Variants in PLCZ1 observed in about 807,000 individuals in gnomAD.
The protein encoded by PLCZ1 is phospholipase C zeta 1, also known as 1-phosphatidylinositol 4,5-bisphosphate phosphodiesterase zeta-1.
A neutral mutation model predicts 76.8 loss-of-function variants in PLCZ1; 64 were observed. The ratio of observed to expected loss-of-function variants is 0.83; its 90% CI spans 0.68 to 1.03. The LOEUF (loss-of-function observed/expected upper bound fraction) is 1.03. Among genes scored for constraint, PLCZ1 ranks in the 50% least tolerant of loss-of-function variants. The pLI, the probability that PLCZ1 is intolerant of heterozygous loss-of-function variation, is 0.00. For synonymous variants in PLCZ1, 248 were observed against 230.8 expected (o/e 1.07, Z -0.68); for missense variants, 751 against 713.7 (o/e 1.05, Z -0.60).
In PLCZ1 at chr12:18,701,531, T is replaced by C. The variant is rs781593516; in HGVS notation, c.987A>G (p.Leu329=). 1 of 1,614,038 alleles carries C rather than the reference T, an allele frequency of 6.2e-7. No homozygotes were observed. Among genetic ancestry groups the C allele is most frequent in the Non-Finnish European group, 8.5e-7 (1 of 1,179,984 alleles). The change falls in exon 9 of 15, where the codon TTA becomes TTG. Residue 329 remains leucine, a synonymous_variant. Coordinates refer to ENST00000266505, the MANE Select transcript of PLCZ1 (RefSeq NM_033123.4). ...TTTTCTTGAAAAGCATTACTCCAGG[T>C]AACTTTTTTACCCCTGTTTCCTTGT... ...NQDKETGVKK[L]PGVMLFKKKK...
chr12:18,693,469 T>A (rs1395313470), intron 12 of PLCZ1: 1 of 1,606,798 alleles, frequency 6.2e-7, no homozygotes, highest in Non-Finnish European at 8.5e-7. Flanking sequence ...CTGGCACAGG[T>A]AAAACCTTGT....
intron 5 of PLCZ1, among the ~76,000 whole-genome samples, chr12:18,717,124 T>C (rs1221204418): frequency 1.3e-5 from 2 of 152,150 alleles, no homozygotes; most frequent in Non-Finnish European, 2.9e-5. Flanking sequence ...CAGAGAAAAG[T>C]ACAATTAAAT....
chr12:18,711,187 T>C (rs1236722949), intron 6 of PLCZ1, among the ~76,000 whole-genome samples: 3 of 151,980 alleles, frequency 2.0e-5, no homozygotes, highest in East Asian at 3.9e-4. Context: ...ATATACACCA[T>C]GGAATACTAT....
At chr12:18,729,182 TG>T (rs775906644) in intron 3 of PLCZ1, among the ~76,000 whole-genome samples, 38 of 152,200 alleles carry the variant, frequency 2.5e-4, no homozygotes, top group Middle Eastern at 3.4e-3. Context: ...AACTGTCATT[TG>T]CAACTCTTTC....
chr12:18,710,292 T>C (rs896273334), intron 6 of PLCZ1, among the ~76,000 whole-genome samples: 1 of 151,142 alleles, frequency 6.6e-6, no homozygotes, highest in African/African-American at 2.4e-5. Flanking sequence ...CACTCTGAAT[T>C]AGGTGAGGGA....
In PLCZ1 at chr12:18,683,277, G is replaced by T. The variant is rs780438880; in HGVS notation, c.1789C>A (p.Pro597Thr). The change falls in exon 15 of 15, where the codon CCT becomes ACT. Residue 597 changes from proline to threonine, a missense_variant. Transcript: ENST00000266505. ...CAAACATAAACAAACAGTGAAGCAG[G>T]CTCAAGGCTCTCACCCATTCTGGAA... The part of the protein sequence containing the change: ...LFSRMGESLE[P>T]ASLFVYVWYV... 2 of 1,612,428 alleles carry T rather than the reference G, an allele frequency of 1.2e-6. No homozygotes were observed. Among genetic ancestry groups the T allele is most frequent in the African/African-American group, 1.3e-5 (1 of 74,778 alleles).
Position 18,723,313 on chromosome 12 carries a change from T to A in PLCZ1, c.365A>T (p.Glu122Val). The A allele has an allele frequency of 6.2e-7, 1 of 1,609,126 alleles. No individual in the cohort carries two copies. The change falls in exon 4 of 15, where the codon GAA becomes GTA. Residue 122 changes from glutamate (E) to valine (V), a missense_variant and splice_region_variant. By Grantham distance (121) the Glu-to-Val change is moderately radical. Coordinates refer to ENST00000266505, the MANE Select transcript of PLCZ1 (RefSeq NM_033123.4). ...EIIQKYEPIE[E>V]VRKAHQMSLE... ...AAAAGTTTGAAATGCAAACATACCT[T>A]CTTCGATAGGCTCGTATTTCTGAAT... is the stretch of plus-strand genomic sequence containing the variant.
the PLCZ1 span, among the ~76,000 whole-genome samples, chr12:18,650,980 T>C: frequency 6.6e-6 from 1 of 151,670 alleles, no homozygotes; most frequent in Non-Finnish European, 1.5e-5. Context: ...TGGGAATGGT[T>C]ATATCATTCT....
chr12:18,696,771 C>T (rs1186977481), intron 10 of PLCZ1, among the ~76,000 whole-genome samples: 2 of 152,044 alleles, frequency 1.3e-5, no homozygotes, highest in African/African-American at 4.8e-5. Context: ...AAAGGCACCC[C>T]AAAGTTGTCC....
At position 18,737,944 on chromosome 12, in the gene PLCZ1, A is replaced by T. The variant is rs1262824871; in HGVS notation, c.-151T>A. ...CACAGAGACACACCACTTTCGAAGA[A>T]GACTGTTCAGGAGGCTAAGTTCTTA... On this transcript the variant is annotated 5_prime_UTR_variant, in exon 1 of 15. Coordinates refer to ENST00000266505, the MANE Select transcript of PLCZ1 (RefSeq NM_033123.4). The T allele has an allele frequency of 3.0e-6, 1 of 334,666 alleles. No homozygotes were observed. The highest frequency in any genetic ancestry group is 2.1e-5 in the African/African-American group (1 of 47,532). The allele number at this position is 334,666 out of a possible 1,614,324, so 20.7% of individuals were successfully genotyped here.
intron 14 of PLCZ1, chr12:18,683,663 TA>T: frequency 7.7e-7 from 1 of 1,299,748 alleles, no homozygotes; most frequent in Non-Finnish European, 1.0e-6. Context: ...TGAGACAAGG[TA>T]ATTGGGAGCA....
the PLCZ1 span, chr12:18,648,235 G>A: frequency 6.3e-6 from 2 of 315,616 alleles, no homozygotes; most frequent in South Asian, 2.8e-4. Flanking sequence ...TCCTTCAGTG[G>A]AGTACTGATT....
chr12:18,692,954 G>A, intron 12 of PLCZ1: 1 of 1,486,832 alleles, frequency 6.7e-7, no homozygotes, highest in Non-Finnish European at 9.4e-7. Context: ...CTCAGTGCCA[G>A]TTAAAATTAC....
Position 18,693,894 on chromosome 12 carries a change from C to T in PLCZ1, c.1461+1016G>A, listed in dbSNP as rs541659316. ...TTTCAGATTCACACAAGCAGGATGACGCTGGCTGATGATGTAACCCTGCAC... is the reference window on the plus strand; with the variant it reads ...TTTCAGATTCACACAAGCAGGATGATGCTGGCTGATGATGTAACCCTGCAC... On this transcript the variant is annotated intron_variant, in intron 12 of 14. Coordinates refer to ENST00000266505, the MANE Select transcript of PLCZ1 (RefSeq NM_033123.4). 6.3e-5 allele frequency: 97 copies of T among 1,530,794 alleles called. 1 individual carries two copies. The highest frequency in any genetic ancestry group is 1.6e-4 in the East Asian group (7 of 44,350). 94.8% of individuals were successfully genotyped at this position (1,530,794 alleles called of 1,614,324 possible).
intron 6 of PLCZ1, 109 bp from the exon 7 acceptor site, chr12:18,705,424 C>A: frequency 7.4e-7 from 1 of 1,357,150 alleles, no homozygotes; most frequent in Non-Finnish European, 1.0e-6. Flanking sequence ...ACGTTTAGTA[C>A]CTTTGCAAAA....
chr12:18,678,429 C>T (rs1236401069), downstream of PLCZ1, among the ~76,000 whole-genome samples: 1 of 152,012 alleles, frequency 6.6e-6, no homozygotes, highest in Non-Finnish European at 1.5e-5. Context: ...AAGCATATCC[C>T]TATTCAACCA....
At chr12:18,681,794 T>A (rs991545354), downstream of PLCZ1, among the ~76,000 whole-genome samples, 2 of 152,008 alleles carry the variant, frequency 1.3e-5, no homozygotes, top group East Asian at 1.9e-4. Context: ...ATAAAATATA[T>A]CCTTTTTCTC....
At chr12:18,712,804 G>C (rs750781544) in intron 6 of PLCZ1, 38 bp downstream of exon 6, 3 of 1,604,496 alleles carry the variant, frequency 1.9e-6, no homozygotes, top group Admixed American at 3.3e-5. Context: ...AATTGCTTCT[G>C]TTTAAATAGC....
At position 18,696,322 on chromosome 12, in the gene PLCZ1, C is replaced by CTATATATATATATATATATA. The variant is rs71440372; in HGVS notation, c.1175-76_1175-57dup. 2,406 of 267,018 alleles carry CTATATATATATATATATATA rather than the reference C, an allele frequency of 9.0e-3. 174 individuals are homozygous for CTATATATATATATATATATA. The highest frequency in any genetic ancestry group is 0.034 in the African/African-American group (558 of 16,274). 16.5% of individuals were successfully genotyped at this position (267,018 alleles called of 1,614,324 possible). A position where few individuals can be genotyped will look rare whatever the true frequency, so the allele number is the denominator to read the frequency against. On this transcript the variant is annotated intron_variant, in intron 10 of 14. Transcript: ENST00000266505. ...GAATTCAAATAAATTTAAAAAGCCA[C>CTATATATATATATATATATA]TATATATATATATATATATATATAT...
Sources: gnomAD v4.1 joint callset for allele counts (sites outside exome capture counted in the v4.1 genomes callset) on GRCh38, gnomAD v4.1.1 for gene constraint, MANE v1.5 for transcripts, NCBI Gene and HGNC (gene_info 2026-07-23, HGNC 2026-07-21) for gene names.